The following DENND1A variants were observed in gnomAD, a reference collection of about 807,000 sequenced individuals.
DENND1A encodes the protein DENN domain-containing protein 1A.
Under a neutral mutation model 113.7 loss-of-function variants are expected in DENND1A, and 51 were observed. The observed-to-expected ratio is 0.45, with a 90% CI of 0.36 to 0.57. The LOEUF (loss-of-function observed/expected upper bound fraction) is 0.57. DENND1A is among the 20% of genes least tolerant of loss of function. The pLI, the probability that DENND1A is intolerant of heterozygous loss-of-function variation, is 0.00. For missense variants in DENND1A, 1,258 were observed against 1,395.9 expected (o/e 0.90, Z 1.57); for synonymous variants, 565 against 570.8 (o/e 0.99, Z 0.14).
chr9:123,519,115 G>A (rs2054178589), intron 13 of DENND1A, among the ~76,000 whole-genome samples: 1 of 152,206 alleles, frequency 6.6e-6, no homozygotes, highest in Admixed American at 6.5e-5. Flanking sequence ...ACGGATGGCT[G>A]ATGTCAGCTC....
intron 2 of DENND1A, among the ~76,000 whole-genome samples, chr9:123,835,742 T>G (rs1181634618): frequency 6.6e-6 from 1 of 152,076 alleles, no homozygotes; most frequent in African/African-American, 2.4e-5. Context: ...ACACACTTCG[T>G]TCACTCCGAT....
chr9:123,866,598 G>A (rs1337732616), intron 2 of DENND1A, among the ~76,000 whole-genome samples: 4 of 152,044 alleles, frequency 2.6e-5, no homozygotes, highest in Admixed American at 6.5e-5. Flanking sequence ...CACAATTTCC[G>A]GAAGTTGTGT....
chr9:123,800,585 G>A (rs1834474435), intron 2 of DENND1A, among the ~76,000 whole-genome samples: 1 of 152,122 alleles, frequency 6.6e-6, no homozygotes, highest in Non-Finnish European at 1.5e-5. Flanking sequence ...CTGTCTTCTA[G>A]TCATTACTGT....
chr9:123,722,728 T>A (rs926114023), intron 5 of DENND1A, among the ~76,000 whole-genome samples: 6 of 152,230 alleles, frequency 3.9e-5, no homozygotes, highest in Non-Finnish European at 7.3e-5. Flanking sequence ...AAGTCAAGAA[T>A]TGAGGTTTGG....
intron 2 of DENND1A, among the ~76,000 whole-genome samples, chr9:123,834,889 T>C (rs915833846): frequency 6.6e-6 from 1 of 152,236 alleles, no homozygotes; most frequent in Non-Finnish European, 1.5e-5. Flanking sequence ...TTTCGTTCCA[T>C]GTTTTAACAC....
chr9:123,473,972 C>T (rs986541768), intron 13 of DENND1A, among the ~76,000 whole-genome samples: 2 of 142,896 alleles, frequency 1.4e-5, no homozygotes, highest in Non-Finnish European at 3.0e-5. Context: ...AATGGGGTAA[C>T]GTTTACTTTC....
chr9:123,479,646 G>C (rs191346796), intron 13 of DENND1A, among the ~76,000 whole-genome samples: 2 of 152,356 alleles, frequency 1.3e-5, no homozygotes. Flanking sequence ...GGAAAGAGAA[G>C]TGGCCCCAAG....
At chr9:123,734,069 A>G (rs2068382880) in intron 5 of DENND1A, among the ~76,000 whole-genome samples, 1 of 152,224 alleles carries the variant, frequency 6.6e-6, no homozygotes, top group Non-Finnish European at 1.5e-5. Flanking sequence ...CCTGGACTCA[A>G]GTGATCCTCC....
At chr9:123,688,468 A>G (rs923472464) in intron 5 of DENND1A, among the ~76,000 whole-genome samples, 1 of 152,222 alleles carries the variant, frequency 6.6e-6, no homozygotes, top group Non-Finnish European at 1.5e-5. Context: ...ACTTCCACTA[A>G]AGTTGGTCCC....
At chr9:123,787,005 G>C (rs932663740) in intron 3 of DENND1A, among the ~76,000 whole-genome samples, 3 of 152,008 alleles carry the variant, frequency 2.0e-5, no homozygotes, top group African/African-American at 4.8e-5. Context: ...TGTGAGCTTG[G>C]TGAATACAAG....
chr9:123,396,392 C>T (rs1373158435), intron 21 of DENND1A, among the ~76,000 whole-genome samples: 1 of 152,222 alleles, frequency 6.6e-6, no homozygotes, highest in Non-Finnish European at 1.5e-5. Context: ...AGCAGTGGGG[C>T]TGTGCAGGAG....
At position 123,874,336 on chromosome 9, in the gene DENND1A, A is replaced by G. The variant is rs377451763; in HGVS notation, c.88+4615T>C. ...CAAAGACAAACCATAGAAGATATCTATAACACATATAACCAGATAATTAAT... is the reference window on the plus strand; with the variant it reads ...CAAAGACAAACCATAGAAGATATCTGTAACACATATAACCAGATAATTAAT... On this transcript the variant is annotated intron_variant, in intron 2 of 23. Coordinates refer to ENST00000394215, the MANE Select transcript of DENND1A (RefSeq NM_001352964.2). Among the ~76,000 whole-genome samples the G allele has an allele frequency of 5.9e-5, 9 of 152,294 alleles. No homozygotes were observed. In the South Asian group the frequency reaches 1.0e-3, roughly 18 times the overall value.
chr9:123,796,827 A>G (rs535771469), intron 2 of DENND1A, among the ~76,000 whole-genome samples: 2 of 151,704 alleles, frequency 1.3e-5, no homozygotes, highest in African/African-American at 4.8e-5. Flanking sequence ...CCTCTGTCAT[A>G]CCAATGACTT....
intron 12 of DENND1A, among the ~76,000 whole-genome samples, chr9:123,579,787 C>T (rs542097563): frequency 6.6e-6 from 1 of 152,298 alleles, no homozygotes; most frequent in South Asian, 2.1e-4. Flanking sequence ...GATTTCTCCT[C>T]TTGATAGCTC....
At chr9:123,596,982 T>A (rs2059723004) in intron 11 of DENND1A, among the ~76,000 whole-genome samples, 1 of 152,146 alleles carries the variant, frequency 6.6e-6, no homozygotes, top group Non-Finnish European at 1.5e-5. Flanking sequence ...ATAGCATCCA[T>A]CCAAAGTGAA....
At chr9:123,607,543 AGAGAGTGT>A (rs772324637) in intron 11 of DENND1A, among the ~76,000 whole-genome samples, 82 of 123,508 alleles carry the variant, frequency 6.6e-4, no homozygotes, top group Admixed American at 1.5e-3. Context: ...AGAGAGAGAG[AGAGAGTGT>A]GTGTGTGTGT....
intron 19 of DENND1A, among the ~76,000 whole-genome samples, chr9:123,421,398 C>T (rs1232442207): frequency 6.6e-6 from 1 of 152,066 alleles, no homozygotes; most frequent in Non-Finnish European, 1.5e-5. Flanking sequence ...GCCCACGCTG[C>T]TCCCAGGAGA....
In DENND1A at chr9:123,399,901, C is replaced by G. The variant is rs545306534; in HGVS notation, c.1631+3501G>C. ...GACTGGTCAAATCCACATTCTGGGC[C>G]TGAGCTCCCACTCGGGAAGAAACGA... On this transcript the variant is annotated intron_variant, in intron 21 of 23. Coordinates refer to ENST00000394215, the MANE Select transcript of DENND1A (RefSeq NM_001352964.2). Among the ~76,000 whole-genome samples the G allele has an allele frequency of 3.9e-5, 6 of 152,368 alleles. No individual in the cohort carries two copies. The South Asian group carries it at 1.2e-3, about 32-fold the overall frequency.
intron 21 of DENND1A, among the ~76,000 whole-genome samples, chr9:123,392,606 CCTA>C (rs1183336763): frequency 2.0e-5 from 3 of 152,180 alleles, no homozygotes; most frequent in Non-Finnish European, 4.4e-5. Flanking sequence ...CCCTCCCCTT[CCTA>C]GTCAGGCTAC....
Sources: gnomAD v4.1 joint callset for allele counts (sites outside exome capture counted in the v4.1 genomes callset) on GRCh38, gnomAD v4.1.1 for gene constraint, MANE v1.5 for transcripts, NCBI Gene and HGNC (gene_info 2026-07-23, HGNC 2026-07-21) for gene names.